SH3GLB1: variants seen among roughly 807,000 people sequenced by gnomAD.
SH3GLB1 encodes endophilin-B1.
A neutral mutation model predicts 42.0 loss-of-function variants in SH3GLB1; 17 were observed. The observed-to-expected ratio is 0.40, with a 90% confidence interval of 0.28 to 0.61. The LOEUF (loss-of-function observed/expected upper bound fraction) is 0.61. Among genes scored for constraint, SH3GLB1 ranks in the 20% least tolerant of loss-of-function variants. SH3GLB1 has a pLI of 0.36. For missense variants in SH3GLB1, 355 were observed against 426.3 expected, an observed-to-expected ratio of 0.83 and a Z score of 1.47; for synonymous variants, 132 against 146.6, an observed-to-expected ratio of 0.90 and a Z score of 0.72.
chr1:86,706,976 T>C (rs1230867649), intron 1 of SH3GLB1, among the ~76,000 whole-genome samples: 1 of 152,240 alleles, frequency 6.6e-6, no homozygotes, highest in African/African-American at 2.4e-5. Context: ...CAGTTTTAAA[T>C]ATTTAAGTGT....
intron 5 of SH3GLB1, among the ~76,000 whole-genome samples, chr1:86,724,882 A>ATATATATATATATAT (rs1429770726): frequency 8.5e-5 from 9 of 106,030 alleles, no homozygotes; most frequent in African/African-American, 4.4e-4. Context: ...TTTAAAAAAA[A>ATATATATATATATAT]AAAAAAAAAA....
At chr1:86,714,835 C>T (rs932445479) in intron 1 of SH3GLB1, among the ~76,000 whole-genome samples, 1 of 152,094 alleles carries the variant, frequency 6.6e-6, no homozygotes, top group African/African-American at 2.4e-5. Context: ...GAGTCATCAC[C>T]TCTAATGTTT....
intron 1 of SH3GLB1, among the ~76,000 whole-genome samples, chr1:86,715,132 A>T (rs530535912): frequency 6.6e-6 from 1 of 152,340 alleles, no homozygotes; most frequent in African/African-American, 2.4e-5. Flanking sequence ...ACTAGGTGTG[A>T]TTAAAGTGCT....
Position 86,704,768 on chromosome 1 carries a change from T to C in SH3GLB1, c.-132T>C. On this transcript the variant is annotated 5_prime_UTR_variant, in exon 1 of 9. Coordinates refer to ENST00000370558, the MANE Select transcript of SH3GLB1 (RefSeq NM_016009.5). ...CGTTCACGGAAACGACAGCTGCGGC[T>C]GCGGGGCTGGCGCCGCCTCCCTCCA... 1 of 516,802 alleles carries C rather than the reference T, an allele frequency of 1.9e-6. No homozygotes were observed. The highest frequency in any genetic ancestry group is 3.4e-6 in the Non-Finnish European group (1 of 297,190). The allele number at this position is 516,802 out of a possible 1,614,324, so 32.0% of individuals were successfully genotyped here.
intron 4 of SH3GLB1, 45 bp from the exon 5 acceptor site, chr1:86,724,268 A>T: frequency 1.5e-6 from 2 of 1,368,870 alleles, no homozygotes; most frequent in Non-Finnish European, 2.0e-6. Flanking sequence ...TCTTAACAGA[A>T]TTTTAGCATC....
At position 86,746,077 on chromosome 1, in the gene SH3GLB1, T is replaced by C. The variant is rs1379187552; in HGVS notation, c.*2842T>C. 6.6e-6 allele frequency: 1 copy of C among 152,552 alleles called. No homozygotes were observed. Among genetic ancestry groups the C allele is most frequent in the Non-Finnish European group, 1.5e-5 (1 of 68,030 alleles). 9.4% of individuals were successfully genotyped at this position (152,552 alleles called of 1,614,324 possible). On this transcript the variant is annotated 3_prime_UTR_variant, in exon 9 of 9. Coordinates refer to ENST00000370558, the MANE Select transcript of SH3GLB1 (RefSeq NM_016009.5). ...GTTGCAAGAAATGAGGTCTCAAAAA[T>C]GGGAATGTGCCTCCTCACTCTGCGT...
At chr1:86,719,081 T>C (rs1654716757) in intron 2 of SH3GLB1, among the ~76,000 whole-genome samples, 1 of 152,224 alleles carries the variant, frequency 6.6e-6, no homozygotes, top group South Asian at 2.1e-4. Context: ...TGTAAGTCTT[T>C]GGTTCTTCCA....
intron 7 of SH3GLB1, among the ~76,000 whole-genome samples, chr1:86,737,134 GAT>G (rs1570293546): frequency 6.6e-6 from 1 of 152,288 alleles, no homozygotes; most frequent in East Asian, 1.9e-4. Flanking sequence ...ATATTTTAAA[GAT>G]GAGAAAGCAG....
At position 86,704,769 on chromosome 1, in the gene SH3GLB1, G is replaced by A; in HGVS notation, c.-131G>A. 5.8e-6 allele frequency: 3 copies of A among 516,780 alleles called. No individual in the cohort carries two copies. The highest frequency in any genetic ancestry group is 7.4e-5 in the East Asian group (2 of 27,108). The allele number at this position is 516,780 out of a possible 1,614,324, so 32.0% of individuals were successfully genotyped here. A position where few individuals can be genotyped will look rare whatever the true frequency, so the allele number is the denominator to read the frequency against. ...GTTCACGGAAACGACAGCTGCGGCT[G>A]CGGGGCTGGCGCCGCCTCCCTCCAC... On this transcript the variant is annotated 5_prime_UTR_variant, in exon 1 of 9. Transcript: ENST00000370558.
chr1:86,726,691 C>G (rs540483366), intron 5 of SH3GLB1, among the ~76,000 whole-genome samples: 1 of 152,020 alleles, frequency 6.6e-6, no homozygotes, highest in East Asian at 1.9e-4. Flanking sequence ...CCCTAGATAA[C>G]CAACACATTT....
At chr1:86,722,886 A>G (rs1386312400) in intron 4 of SH3GLB1, among the ~76,000 whole-genome samples, 1 of 152,330 alleles carries the variant, frequency 6.6e-6, no homozygotes, top group East Asian at 1.9e-4. Context: ...TGTTATTGAG[A>G]TGCCTTTATC....
At chr1:86,709,153 T>G (rs955459347) in intron 1 of SH3GLB1, among the ~76,000 whole-genome samples, 1 of 152,232 alleles carries the variant, frequency 6.6e-6, no homozygotes, top group Non-Finnish European at 1.5e-5. Flanking sequence ...TGAACTGTTA[T>G]GTTAGATCTC....
intron 1 of SH3GLB1, among the ~76,000 whole-genome samples, chr1:86,707,103 G>A (rs1390606567): frequency 6.6e-6 from 1 of 152,178 alleles, no homozygotes; most frequent in Non-Finnish European, 1.5e-5. Context: ...AGATAAGCTT[G>A]TAAATACATC....
intron 1 of SH3GLB1, among the ~76,000 whole-genome samples, chr1:86,714,896 TTTA>T (rs1274233171): frequency 1.3e-5 from 2 of 152,212 alleles, no homozygotes; most frequent in African/African-American, 2.4e-5. Flanking sequence ...TTTTTACTGC[TTTA>T]TTATTATATA....
At chr1:86,727,628 G>A (rs368011143) in intron 5 of SH3GLB1, among the ~76,000 whole-genome samples, 2 of 151,996 alleles carry the variant, frequency 1.3e-5, no homozygotes, top group East Asian at 3.8e-4. Context: ...ATACAAAACT[G>A]TAATGCATTT....
At chr1:86,742,967 CTAA>C (rs957701840) in intron 8 of SH3GLB1, among the ~76,000 whole-genome samples, 158 bp from the exon 9 acceptor site, 8 of 152,050 alleles carry the variant, frequency 5.3e-5, no homozygotes, top group African/African-American at 1.9e-4. Context: ...CCTCAAAAAA[CTAA>C]TAATAATAAA....
At chr1:86,722,776 A>T in intron 4 of SH3GLB1, 103 bp downstream of exon 4, 1 of 930,722 alleles carries the variant, frequency 1.1e-6, no homozygotes, top group Admixed American at 3.4e-5. Flanking sequence ...GTAGTGGATT[A>T]CAAAATTAAA....
In SH3GLB1 at chr1:86,743,190, C is replaced by T. The variant is rs2101993551; in HGVS notation, c.1053C>T (p.Asn351=). The change falls in exon 9 of 9, where the codon AAC becomes AAT. Residue 351 remains asparagine (N), a synonymous_variant. Coordinates refer to ENST00000370558, the MANE Select transcript of SH3GLB1 (RefSeq NM_016009.5). ...DSDWLMGERG[N]QKGKVPITYL... Reference sequence around the variant, plus strand: ...ACTGGCTAATGGGGGAAAGGGGAAACCAGAAGGGCAAGGTGCCAATTACCT... The same window carrying T: ...ACTGGCTAATGGGGGAAAGGGGAAATCAGAAGGGCAAGGTGCCAATTACCT... 2.5e-6 allele frequency: 4 copies of T among 1,613,066 alleles called. No individual in the cohort carries two copies. The highest frequency in any genetic ancestry group is 3.4e-6 in the Non-Finnish European group (4 of 1,179,662).
intron 7 of SH3GLB1, among the ~76,000 whole-genome samples, chr1:86,736,979 G>C (rs950121618): frequency 7.2e-5 from 11 of 152,288 alleles, no homozygotes; most frequent in African/African-American, 2.6e-4. Flanking sequence ...TGCAATAACA[G>C]TACCAACAGG....
Sources: allele counts gnomAD v4.1 joint callset (sites outside exome capture counted in the v4.1 genomes callset), GRCh38; gene constraint gnomAD v4.1.1; transcripts MANE v1.5; gene names NCBI Gene and HGNC (gene_info 2026-07-23, HGNC 2026-07-21).